Variants in CAMKMT observed in about 807,000 individuals in gnomAD.
CAMKMT encodes the protein calmodulin-lysine N-methyltransferase.
A neutral mutation model predicts 48.0 loss-of-function variants in CAMKMT; 53 were observed. The observed-to-expected ratio is 1.10, with a 90% CI of 0.89 to 1.39. The LOEUF is 1.39. CAMKMT is among the 40% of genes most tolerant of loss of function. The pLI is 0.00. For missense variants in CAMKMT, 428 were observed against 402.7 expected (o/e 1.06, Z -0.54); for synonymous variants, 165 against 152.3 (o/e 1.08, Z -0.61).
intron 2 of CAMKMT, 148 bp from the exon 3 acceptor site, chr2:44,390,093 G>A: frequency 5.2e-6 from 3 of 581,024 alleles, no homozygotes; most frequent in Non-Finnish European, 8.9e-6. Flanking sequence ...TCTCCCTCTA[G>A]TGGGCAGAAA....
rs1377960190 is a variant in CAMKMT at position 44,361,995 on chromosome 2, A to C, written c.-13A>C. 7.2e-7 allele frequency: 1 copy of C among 1,383,058 alleles called. No individual in the cohort carries two copies. The highest frequency in any genetic ancestry group is 3.9e-5 in the Admixed American group (1 of 25,596). 85.7% of individuals were successfully genotyped at this position (1,383,058 alleles called of 1,614,324 possible). On this transcript the variant is annotated 5_prime_UTR_variant, in exon 1 of 11. Coordinates refer to ENST00000378494, the MANE Select transcript of CAMKMT (RefSeq NM_024766.5). ...CGGCGGTGGCACCTCCGGGTGTGGA[A>C]GGCTCCAGTGAGATGGAGTCGCGAG...
At chr2:44,720,635 T>C (rs1449531940) in intron 7 of CAMKMT, among the ~76,000 whole-genome samples, 2 of 152,194 alleles carry the variant, frequency 1.3e-5, no homozygotes, top group Non-Finnish European at 2.9e-5. Flanking sequence ...TATTTTGTTA[T>C]TATAAACTGC....
chr2:44,476,460 C>T (rs936945702), intron 3 of CAMKMT, among the ~76,000 whole-genome samples: 1 of 151,974 alleles, frequency 6.6e-6, no homozygotes, highest in Non-Finnish European at 1.5e-5. Flanking sequence ...CCTTTTCTTG[C>T]TGTGAAATGT....
intron 3 of CAMKMT, among the ~76,000 whole-genome samples, chr2:44,585,447 C>G (rs533193183): frequency 6.6e-6 from 1 of 152,160 alleles, no homozygotes; most frequent in Non-Finnish European, 1.5e-5. Context: ...TAGGAAGTGG[C>G]CTGCTTCTCT....
intron 7 of CAMKMT, among the ~76,000 whole-genome samples, chr2:44,727,716 C>T (rs1353779260): frequency 6.6e-6 from 1 of 152,098 alleles, no homozygotes; most frequent in Non-Finnish European, 1.5e-5. Flanking sequence ...TGAGCTTTTG[C>T]CCATTCAGGA....
intron 3 of CAMKMT, among the ~76,000 whole-genome samples, chr2:44,417,150 C>A (rs1006829771): frequency 6.6e-6 from 1 of 151,914 alleles, no homozygotes; most frequent in Non-Finnish European, 1.5e-5. Flanking sequence ...TATGGCCACA[C>A]TTTGGGAGGC....
intron 3 of CAMKMT, among the ~76,000 whole-genome samples, chr2:44,544,247 A>C (rs1375190181): frequency 6.6e-6 from 1 of 152,168 alleles, no homozygotes; most frequent in Admixed American, 6.6e-5. Flanking sequence ...CATTTGGGAA[A>C]GTTAGCAATT....
intron 3 of CAMKMT, among the ~76,000 whole-genome samples, chr2:44,411,687 T>C (rs1312640674): frequency 6.6e-6 from 1 of 152,170 alleles, no homozygotes; most frequent in Non-Finnish European, 1.5e-5. Context: ...ATTGTCTTTC[T>C]CTTATGTATT....
chr2:44,700,172 C>T (rs1195943569), intron 3 of CAMKMT, among the ~76,000 whole-genome samples: 3 of 152,224 alleles, frequency 2.0e-5, no homozygotes, highest in Non-Finnish European at 4.4e-5. Context: ...TCCTCACCTT[C>T]AGCCTTCATA....
At chr2:44,555,430 A>G (rs957066288) in intron 3 of CAMKMT, among the ~76,000 whole-genome samples, 1 of 152,160 alleles carries the variant, frequency 6.6e-6, no homozygotes, top group Non-Finnish European at 1.5e-5. Flanking sequence ...CTACAGGAAG[A>G]ACAGATTAGG....
intron 3 of CAMKMT, among the ~76,000 whole-genome samples, chr2:44,507,834 A>T (rs1670338396): frequency 6.6e-6 from 1 of 152,206 alleles, no homozygotes; most frequent in Non-Finnish European, 1.5e-5. Flanking sequence ...CTGTGAAAAA[A>T]GTGTCAGCCG....
intron 3 of CAMKMT, among the ~76,000 whole-genome samples, chr2:44,688,830 T>C (rs1676478725): frequency 6.6e-6 from 1 of 152,208 alleles, no homozygotes; most frequent in African/African-American, 2.4e-5. Context: ...TAAGTTATGC[T>C]GCCTAACAGC....
chr2:44,378,853 GGACC>G (rs1679961661), intron 2 of CAMKMT, among the ~76,000 whole-genome samples: 1 of 151,984 alleles, frequency 6.6e-6, no homozygotes, highest in African/African-American at 2.4e-5. Context: ...CAGCCTTTTA[GGACC>G]CACTCCACTC....
chr2:44,507,698 A>G (rs1670331613), intron 3 of CAMKMT, among the ~76,000 whole-genome samples: 1 of 152,174 alleles, frequency 6.6e-6, no homozygotes, highest in African/African-American at 2.4e-5. Context: ...TGTGATAGTT[A>G]CTCTCATTAT....
intron 3 of CAMKMT, among the ~76,000 whole-genome samples, chr2:44,520,339 T>C (rs938601527): frequency 3.3e-5 from 5 of 152,090 alleles, no homozygotes; most frequent in Non-Finnish European, 7.4e-5. Context: ...GATCCTCTTA[T>C]CTATCTCAGC....
At chr2:44,418,300 A>G (rs1683705532) in intron 3 of CAMKMT, among the ~76,000 whole-genome samples, 1 of 152,024 alleles carries the variant, frequency 6.6e-6, no homozygotes, top group Non-Finnish European at 1.5e-5. Flanking sequence ...CCTGTTTAAA[A>G]AAATCTATGA....
At chr2:44,515,012 A>G (rs1350557532) in intron 3 of CAMKMT, among the ~76,000 whole-genome samples, 1 of 152,116 alleles carries the variant, frequency 6.6e-6, no homozygotes, top group Non-Finnish European at 1.5e-5. Context: ...CCACTCACTT[A>G]TTTCTACCAG....
chr2:44,682,601 G>C (rs1676085772), intron 3 of CAMKMT, among the ~76,000 whole-genome samples: 2 of 152,146 alleles, frequency 1.3e-5, no homozygotes, highest in Non-Finnish European at 2.9e-5. Flanking sequence ...TCATGCAGCT[G>C]GTCTCTGGAT....
chr2:44,497,129 G>T (rs1669786247), intron 3 of CAMKMT, among the ~76,000 whole-genome samples: 1 of 152,170 alleles, frequency 6.6e-6, no homozygotes, highest in Admixed American at 6.5e-5. Flanking sequence ...AAAGGCTCCA[G>T]AGTAAATTAG....
Sources: allele counts gnomAD v4.1 joint callset (sites outside exome capture counted in the v4.1 genomes callset), GRCh38; gene constraint gnomAD v4.1.1; transcripts MANE v1.5; gene names NCBI Gene and HGNC (gene_info 2026-07-23, HGNC 2026-07-21).